RRAGB: variants seen among roughly 807,000 people sequenced by gnomAD.
The protein encoded by RRAGB is Ras related GTP binding B, also known as ras-related GTP-binding protein B.
Under a neutral mutation model 29.3 loss-of-function variants are expected in RRAGB, and 6 were observed. The ratio of observed to expected loss-of-function variants is 0.21; its 90% CI spans 0.11 to 0.40. The LOEUF is 0.40. RRAGB is among the 10% of genes least tolerant of loss of function. RRAGB has a pLI of 1.00. For synonymous variants in RRAGB, 101 were observed against 92.5 expected (o/e 1.09, Z -0.53); for missense variants, 184 against 272.9 (o/e 0.67, Z 2.29).
intron 8 of RRAGB, among the ~76,000 whole-genome samples, chrX:55,756,683 C>T (rs954183829): frequency 1.8e-5 from 2 of 112,505 alleles, no homozygotes; most frequent in Non-Finnish European, 3.8e-5. Flanking sequence ...ATATTAATCT[C>T]AATGATAAGG....
At chrX:55,741,279 A>T (rs2034059946) in intron 5 of RRAGB, among the ~76,000 whole-genome samples, 1 of 111,126 alleles carries the variant, frequency 9.0e-6, no homozygotes, top group African/African-American at 3.3e-5. Flanking sequence ...ACACCACTGC[A>T]CCATACGTTC....
intron 5 of RRAGB, among the ~76,000 whole-genome samples, chrX:55,740,195 C>T (rs973243205): frequency 1.8e-5 from 2 of 110,620 alleles, no homozygotes; most frequent in Non-Finnish European, 3.8e-5. Context: ...CAGTGGCGGG[C>T]GCCTGTAGTC....
Position 55,735,479 on chromosome X carries a change from C to A in RRAGB, c.516+3893C>A, listed in dbSNP as rs766176186. ...CATTAACATGGAATATTCTTCCTAC[C>A]CATCTGCCTTAAGTCTATAAGAATC... On this transcript the variant is annotated intron_variant, in intron 5 of 9. Transcript: ENST00000374941. 8.0e-5 allele frequency among the ~76,000 whole-genome samples: 9 copies of A among 112,382 alleles called. No individual in the cohort carries two copies. The East Asian group carries it at 2.5e-3, about 31-fold the overall frequency.
At position 55,753,462 on chromosome X, in the gene RRAGB, C is replaced by T; in HGVS notation, c.683C>T (p.Ala228Val). The T allele has an allele frequency of 5.8e-6, 7 of 1,202,481 alleles. No homozygotes were observed. Among genetic ancestry groups the T allele is most frequent in the Non-Finnish European group, 7.9e-6 (7 of 888,397 alleles). Residue 228 changes from alanine to valine, a missense_variant, in exon 7 of 10, where the codon GCT becomes GTT. Physicochemically the swap from Ala to Val is moderately conservative, Grantham distance 64 (BLOSUM62 0). Coordinates refer to ENST00000374941, the MANE Select transcript of RRAGB (RefSeq NM_006064.5). ...QQLEMNLRNFAEIIEADEVLL... is the reference protein window; with the variant it reads ...QQLEMNLRNFVEIIEADEVLL... ...CTGGAAATGAACCTAAGGAATTTTG[C>T]TGAAATTATCGAAGCTGATGAAGTA...
intron 3 of RRAGB, among the ~76,000 whole-genome samples, chrX:55,727,562 G>A (rs941234300): frequency 3.6e-5 from 4 of 111,399 alleles, no homozygotes; most frequent in African/African-American, 9.8e-5. Flanking sequence ...TAATAGAAGC[G>A]GAAACTAATA....
chrX:55,752,268 A>G, intron 6 of RRAGB: 1 of 752,971 alleles, frequency 1.3e-6, no homozygotes, highest in African/African-American at 2.3e-5. Flanking sequence ...AAGGATGGAC[A>G]TGACGCACTG....
chrX:55,722,273 C>G lies in RRAGB; in HGVS notation c.214C>G (p.Leu72Val). 8.5e-7 allele frequency: 1 copy of G among 1,170,367 alleles called. No individual in the cohort carries two copies. The highest frequency in any genetic ancestry group is 1.2e-6 in the Non-Finnish European group (1 of 860,612). The change falls in exon 3 of 10, where the codon CTT becomes GTT. Residue 72 changes from leucine (L) to valine (V), a missense_variant. Leu to Val is a conservative substitution (Grantham distance 32). Transcript: ENST00000374941. ...ANYIARDTRR[L>V]GATIDVEHSH... ...TTATATTGCCAGAGACACACGTCGC[C>G]TTGGCGCAACAAGTAAGATGTTTTA...
intron 8 of RRAGB, 151 bp downstream of exon 8, chrX:55,756,083 G>A (rs1467268800): frequency 2.2e-5 from 9 of 413,871 alleles, no homozygotes; most frequent in Non-Finnish European, 3.8e-5. Context: ...GCCTCCAGTT[G>A]ACTGAAATGC....
rs2034580635 is a variant in RRAGB, at chrX:55,753,607, C to T, written c.735+93C>T. ...GCATGTCACTACTTTCAGGAAGAAC[C>T]TTTTTCCCTCTTGTCAACTTTAGCA... On this transcript the variant is annotated intron_variant, in intron 7 of 9. Coordinates refer to ENST00000374941, the MANE Select transcript of RRAGB (RefSeq NM_006064.5). The T allele has an allele frequency of 4.6e-6, 4 of 867,196 alleles. No homozygotes were observed. The South Asian group carries it at 1.2e-4, about 26-fold the overall frequency. The allele number at this position is 867,196 out of a possible 1,213,427, so 71.5% of individuals were successfully genotyped here.
intron 5 of RRAGB, among the ~76,000 whole-genome samples, chrX:55,735,933 G>A (rs772471939): frequency 3.6e-5 from 4 of 112,077 alleles, no homozygotes; most frequent in Non-Finnish European, 7.5e-5. Context: ...CTAAAGATAG[G>A]ACTCAATCCC....
At chrX:55,739,816 G>GA (rs201050862) in intron 5 of RRAGB, among the ~76,000 whole-genome samples, 1,754 of 107,048 alleles carry the variant, frequency 0.016, 11 homozygotes, top group African/African-American at 0.034. Flanking sequence ...TACCATCTTG[G>GA]AAAAAAAAAA....
chrX:55,719,648 C>T (rs2033188477), intron 2 of RRAGB, among the ~76,000 whole-genome samples: 1 of 112,155 alleles, frequency 8.9e-6, no homozygotes, highest in African/African-American at 3.2e-5. Context: ...CACTTATGCA[C>T]CCTATCACAG....
intron 5 of RRAGB, among the ~76,000 whole-genome samples, chrX:55,743,681 A>G (rs765056214): frequency 8.9e-6 from 1 of 112,593 alleles, no homozygotes; most frequent in African/African-American, 3.2e-5. Flanking sequence ...TCACCCATTC[A>G]GAAAGATCTG....
chrX:55,753,044 CTAGAT>C (rs1024627410), intron 6 of RRAGB, among the ~76,000 whole-genome samples: 7 of 111,986 alleles, frequency 6.3e-5, no homozygotes, highest in East Asian at 5.6e-4. Flanking sequence ...ATATTTGTGA[CTAGAT>C]TAGGAGCTTT....
At chrX:55,734,025 G>A (rs772388945) in intron 5 of RRAGB, among the ~76,000 whole-genome samples, 12 of 108,297 alleles carry the variant, frequency 1.1e-4, no homozygotes, top group Non-Finnish European at 1.5e-4. Context: ...GTGCAGTGGC[G>A]TGGTCTCGTC....
intron 5 of RRAGB, among the ~76,000 whole-genome samples, chrX:55,750,527 G>A (rs1048269763): frequency 1.8e-5 from 2 of 111,318 alleles, no homozygotes; most frequent in Non-Finnish European, 3.8e-5. Flanking sequence ...CTAAAAAAAT[G>A]CCTTTGCAAC....
chrX:55,722,553 A>G (rs759173031), intron 3 of RRAGB, among the ~76,000 whole-genome samples: 2 of 111,712 alleles, frequency 1.8e-5, no homozygotes, highest in East Asian at 5.6e-4. Context: ...TATTTCTTAA[A>G]CAAGCATTGT....
At chrX:55,735,143 TCTAGAGTCCA>T (rs1373148190) in intron 5 of RRAGB, among the ~76,000 whole-genome samples, 1 of 112,060 alleles carries the variant, frequency 8.9e-6, no homozygotes, top group Non-Finnish European at 1.9e-5. Context: ...ATCCACTTTT[TCTAGAGTCCA>T]GTTTAAGTCC....
intron 5 of RRAGB, among the ~76,000 whole-genome samples, chrX:55,739,544 G>C (rs959549569): frequency 2.7e-5 from 3 of 112,001 alleles, no homozygotes; most frequent in Non-Finnish European, 1.9e-5. Flanking sequence ...GCTCCCCTGT[G>C]GCCTGGCTTG....
Sources: allele counts gnomAD v4.1 joint callset (sites outside exome capture counted in the v4.1 genomes callset), GRCh38; gene constraint gnomAD v4.1.1; transcripts MANE v1.5; gene names NCBI Gene and HGNC (gene_info 2026-07-23, HGNC 2026-07-21).